The following BABAM2 variants were observed in gnomAD, a reference collection of about 807,000 sequenced individuals.
BABAM2 encodes the protein BRISC and BRCA1 A complex member 2, also known as BRISC and BRCA1-A complex member 2.
Under a neutral mutation model 54.7 loss-of-function variants are expected in BABAM2, and 31 were observed. The observed-to-expected ratio is 0.57, with a 90% CI of 0.43 to 0.77. The LOEUF (loss-of-function observed/expected upper bound fraction) is 0.77, where lower values mean the gene tolerates loss of function less well. Among genes scored for constraint, BABAM2 ranks in the 30% least tolerant of loss-of-function variants. The pLI is 0.00. For synonymous variants in BABAM2, 167 were observed against 162.9 expected, an observed-to-expected ratio of 1.03 and a Z score of -0.19; for missense variants, 364 against 455.8, an observed-to-expected ratio of 0.80 and a Z score of 1.83.
In BABAM2 at chr2:28,056,684, A is replaced by C. The variant is rs115272018; in HGVS notation, c.570+10885A>C. Among the ~76,000 whole-genome samples the C allele has an allele frequency of 5.2e-3, 793 of 152,304 alleles. 6 individuals are homozygous for C. Among genetic ancestry groups the C allele is most frequent in the African/African-American group, 0.018 (747 of 41,552 alleles). On this transcript the variant is annotated intron_variant, in intron 6 of 11. Coordinates refer to ENST00000379624, the MANE Select transcript of BABAM2 (RefSeq NM_199191.3). ...CAAATAGTAGAAGCCTGTCAGTATAATACAAAAGCAGCTATGGCTTACAGT... is the reference window on the plus strand; with the variant it reads ...CAAATAGTAGAAGCCTGTCAGTATACTACAAAAGCAGCTATGGCTTACAGT...
intron 6 of BABAM2, among the ~76,000 whole-genome samples, chr2:28,081,257 C>T (rs1004700595): frequency 1.8e-4 from 27 of 152,316 alleles, no homozygotes; most frequent in Non-Finnish European, 2.9e-4. Context: ...CCTGCATGTG[C>T]TTCTTCTCAC....
intron 7 of BABAM2, among the ~76,000 whole-genome samples, chr2:28,210,265 G>C (rs1383542016): frequency 6.6e-6 from 1 of 152,144 alleles, no homozygotes. Context: ...GATGGAGCCT[G>C]GTCCTATAAC....
intron 4 of BABAM2, among the ~76,000 whole-genome samples, chr2:28,013,758 T>C (rs1266024133): frequency 1.6e-5 from 2 of 124,096 alleles, no homozygotes; most frequent in Non-Finnish European, 3.3e-5. Flanking sequence ...TGGCTCACAG[T>C]GAAGTTGGTT....
At chr2:27,917,132 C>T (rs1667034149) in intron 2 of BABAM2, among the ~76,000 whole-genome samples, 1 of 151,442 alleles carries the variant, frequency 6.6e-6, no homozygotes, top group African/African-American at 2.4e-5. Context: ...ATTTTCCTGC[C>T]TCAGCCTCCC....
At chr2:28,303,994 C>T (rs1442222191) in intron 11 of BABAM2, among the ~76,000 whole-genome samples, 2 of 152,084 alleles carry the variant, frequency 1.3e-5, no homozygotes, top group African/African-American at 4.8e-5. Flanking sequence ...GATTCTTGTG[C>T]CTCAGCCTCC....
chr2:28,169,635 T>A (rs1198862412), intron 7 of BABAM2, among the ~76,000 whole-genome samples: 1 of 151,658 alleles, frequency 6.6e-6, no homozygotes, highest in African/African-American at 2.4e-5. Flanking sequence ...ACAAAAACAA[T>A]AGCTAGGCGT....
chr2:28,336,609 G>A (rs1691488577), intron 11 of BABAM2, among the ~76,000 whole-genome samples: 1 of 152,222 alleles, frequency 6.6e-6, no homozygotes, highest in African/African-American at 2.4e-5. Context: ...TGTCACAGAA[G>A]TCACAGGGAA....
chr2:28,287,373 A>C (rs1686913036), intron 10 of BABAM2, among the ~76,000 whole-genome samples: 2 of 152,200 alleles, frequency 1.3e-5, no homozygotes, highest in African/African-American at 2.4e-5. Context: ...ACAGTACTAA[A>C]TGCTATTTAT....
intron 6 of BABAM2, among the ~76,000 whole-genome samples, chr2:28,124,021 C>T (rs557850836): frequency 1.6e-4 from 25 of 152,250 alleles, no homozygotes; most frequent in African/African-American, 5.8e-4. Flanking sequence ...GGAATAAAGC[C>T]CCCAATTATA....
intron 6 of BABAM2, among the ~76,000 whole-genome samples, chr2:28,084,051 G>C (rs1208758626): frequency 6.6e-6 from 1 of 152,192 alleles, no homozygotes; most frequent in African/African-American, 2.4e-5. Context: ...ATGCACAGCA[G>C]AGTAAGATGC....
At chr2:28,189,228 T>G (rs1297702872) in intron 7 of BABAM2, among the ~76,000 whole-genome samples, 1 of 152,182 alleles carries the variant, frequency 6.6e-6, no homozygotes, top group Non-Finnish European at 1.5e-5. Flanking sequence ...TCTCTTCTGT[T>G]TGCTTATCAA....
chr2:28,257,193 A>T (rs1684050979), intron 10 of BABAM2, among the ~76,000 whole-genome samples: 1 of 152,176 alleles, frequency 6.6e-6, no homozygotes, highest in African/African-American at 2.4e-5. Context: ...ACATTTTCCC[A>T]TCTTTTTTGA....
At chr2:28,230,412 AT>A (rs1057324141) in intron 7 of BABAM2, among the ~76,000 whole-genome samples, 17 of 152,034 alleles carry the variant, frequency 1.1e-4, no homozygotes, top group African/African-American at 3.4e-4. Flanking sequence ...GAAAAAAAAG[AT>A]TTAGCTAGAA....
intron 3 of BABAM2, among the ~76,000 whole-genome samples, chr2:27,978,976 C>A (rs1558633102): frequency 6.6e-6 from 1 of 151,448 alleles, no homozygotes; most frequent in African/African-American, 2.4e-5. Flanking sequence ...TGATCTCATT[C>A]TTTTTTATGG....
At chr2:28,026,014 A>T (rs901117226) in intron 5 of BABAM2, among the ~76,000 whole-genome samples, 1 of 152,160 alleles carries the variant, frequency 6.6e-6, no homozygotes, top group African/African-American at 2.4e-5. Flanking sequence ...GAGAAATGCA[A>T]ATCAAAATCA....
intron 7 of BABAM2, among the ~76,000 whole-genome samples, chr2:28,232,564 C>T (rs1047773526): frequency 3.3e-5 from 5 of 152,290 alleles, no homozygotes; most frequent in South Asian, 4.1e-4. Context: ...GCCTACTACA[C>T]GCCTAGGCTA....
At chr2:28,041,574 G>A (rs964285307) in intron 5 of BABAM2, among the ~76,000 whole-genome samples, 16 of 152,104 alleles carry the variant, frequency 1.1e-4, no homozygotes, top group African/African-American at 1.7e-4. Flanking sequence ...AGAGTTTCTG[G>A]GTGACTTTGA....
intron 10 of BABAM2, among the ~76,000 whole-genome samples, chr2:28,297,316 C>G (rs1429600142): frequency 1.3e-5 from 2 of 152,166 alleles, no homozygotes; most frequent in Non-Finnish European, 2.9e-5. Context: ...TTCTAAGTAA[C>G]AAATCAGATA....
intron 2 of BABAM2, among the ~76,000 whole-genome samples, chr2:27,910,989 T>C (rs1035266350): frequency 1.3e-5 from 2 of 152,194 alleles, no homozygotes; most frequent in Non-Finnish European, 2.9e-5. Context: ...GTTCTTGTGA[T>C]AGTGAGTTCT....
Sources: gnomAD v4.1 joint callset for allele counts (sites outside exome capture counted in the v4.1 genomes callset) on GRCh38, gnomAD v4.1.1 for gene constraint, MANE v1.5 for transcripts, NCBI Gene and HGNC (gene_info 2026-07-23, HGNC 2026-07-21) for gene names.